MPPED1: variants seen among roughly 807,000 people sequenced by gnomAD.
The protein encoded by MPPED1 is metallophosphoesterase domain containing 1, also known as metallophosphoesterase domain-containing protein 1.
MPPED1 carries 16 observed loss-of-function variants against 36.2 expected under a neutral mutation model. The ratio of observed to expected loss-of-function variants is 0.44; its 90% confidence interval spans 0.30 to 0.67. The LOEUF is 0.67. Among genes scored for constraint, MPPED1 ranks in the 30% least tolerant of loss-of-function variants. The probability of loss-of-function intolerance (pLI) is 0.10; values close to 1 mark genes in which losing one functional copy is unlikely to be tolerated. For synonymous variants in MPPED1, 199 were observed against 191.3 expected (o/e 1.04, Z -0.33); for missense variants, 307 against 453.4 (o/e 0.68, Z 2.93).
intron 3 of MPPED1, among the ~76,000 whole-genome samples, chr22:43,437,664 G>A (rs1300168193): frequency 1.3e-5 from 2 of 152,146 alleles, no homozygotes; most frequent in African/African-American, 2.4e-5. Flanking sequence ...GGCCCCTCTG[G>A]GCCTCATTTT....
intron 1 of MPPED1, among the ~76,000 whole-genome samples, chr22:43,423,959 G>A (rs1325926494): frequency 2.0e-5 from 3 of 152,184 alleles, no homozygotes; most frequent in Non-Finnish European, 4.4e-5. Flanking sequence ...CTAACGAGGC[G>A]TCGGCCATTG....
At chr22:43,500,221 TGGTGGA>T (rs1932649749) in intron 5 of MPPED1, among the ~76,000 whole-genome samples, 1 of 91,512 alleles carries the variant, frequency 1.1e-5, no homozygotes, top group Non-Finnish European at 2.2e-5. Context: ...GTGGGGGTGA[TGGTGGA>T]GGTGGTGATG....
intron 3 of MPPED1, among the ~76,000 whole-genome samples, chr22:43,439,348 G>A (rs1569069999): frequency 6.6e-6 from 1 of 152,232 alleles, no homozygotes; most frequent in Non-Finnish European, 1.5e-5. Flanking sequence ...CTAAAAGATG[G>A]ATAAGGACAA....
In MPPED1 at chr22:43,502,993, G is replaced by T. The variant is rs1427259949; in HGVS notation, c.862+236G>T. Among the ~76,000 whole-genome samples the T allele has an allele frequency of 1.3e-5, 2 of 152,316 alleles. No individual in the cohort carries two copies. Among genetic ancestry groups the T allele is most frequent in the East Asian group, 3.9e-4 (2 of 5,180 alleles). Reference sequence around the variant, plus strand: ...CTTAGGGGGTAAATTTTGCTTCCGGGGAGCCCTGCAACTCTGCTGTGCCTC... The same window carrying T: ...CTTAGGGGGTAAATTTTGCTTCCGGTGAGCCCTGCAACTCTGCTGTGCCTC... On this transcript the variant is annotated intron_variant, in intron 6 of 6. Transcript: ENST00000443721. This position sits in a 1 kb window ranked among gnomAD's most constrained non-coding sequence, Gnocchi z 5.5.
chr22:43,474,486 C>T lies in MPPED1; in HGVS notation c.407-250C>T, dbSNP rs1407676840. On this transcript the variant is annotated intron_variant, in intron 3 of 6. Coordinates refer to ENST00000443721, the MANE Select transcript of MPPED1 (RefSeq NM_001044370.2). This position sits in a 1 kb window ranked among gnomAD's most constrained non-coding sequence, Gnocchi z 5.2. ...CAGCGATTCCAGCAGCTTCCTCCTG[C>T]CCGCCCCTCTCTCAGCCATGCTGTG... 1.3e-5 allele frequency among the ~76,000 whole-genome samples: 2 copies of T among 152,236 alleles called. No homozygotes were observed. Among genetic ancestry groups the T allele is most frequent in the African/African-American group, 4.8e-5 (2 of 41,456 alleles).
intron 6 of MPPED1, among the ~76,000 whole-genome samples, chr22:43,504,631 AT>A (rs910812112): frequency 1.3e-5 from 2 of 151,422 alleles, no homozygotes; most frequent in African/African-American, 4.9e-5. Context: ...GGCACTAGTG[AT>A]GGTGGTGGTG....
chr22:43,483,606 C>A (rs1931817558), intron 4 of MPPED1, among the ~76,000 whole-genome samples: 1 of 152,240 alleles, frequency 6.6e-6, no homozygotes, highest in African/African-American at 2.4e-5. Flanking sequence ...CCTTTTAAAT[C>A]TTTTATAAAA....
intron 2 of MPPED1, among the ~76,000 whole-genome samples, chr22:43,432,086 G>A (rs762439456): frequency 2.6e-5 from 4 of 152,130 alleles, no homozygotes; most frequent in Non-Finnish European, 2.9e-5. Flanking sequence ...GTAGACTGTC[G>A]GGTCCCTAGC....
chr22:43,475,029 T>C, intron 4 of MPPED1, 68 bp downstream of exon 4: 1 of 1,450,210 alleles, frequency 6.9e-7, no homozygotes. Context: ...GCAGGGGGTG[T>C]AGGGGATGGG....
At chr22:43,469,048 T>C (rs936362666) in intron 3 of MPPED1, among the ~76,000 whole-genome samples, 1 of 152,164 alleles carries the variant, frequency 6.6e-6, no homozygotes, top group Non-Finnish European at 1.5e-5. Context: ...CCATCTTTGG[T>C]CCAGGGGGTC....
chr22:43,485,165 A>G (rs1362161955), intron 4 of MPPED1, among the ~76,000 whole-genome samples: 1 of 152,110 alleles, frequency 6.6e-6, no homozygotes, highest in Non-Finnish European at 1.5e-5. Flanking sequence ...ACATTCACAT[A>G]TACACACATA....
chr22:43,492,630 G>T (rs1228397105), intron 4 of MPPED1, among the ~76,000 whole-genome samples: 1 of 152,126 alleles, frequency 6.6e-6, no homozygotes, highest in East Asian at 1.9e-4. Context: ...AGATCCCCAG[G>T]CACAACCCAG....
In MPPED1 at chr22:43,502,773, A is replaced by T; in HGVS notation, c.862+16A>T. ...ATCCACGAAGGTCAGTACGTAGCGG[A>T]GACAGGCACCTCACGGGCTAGGGGC... On this transcript the variant is annotated intron_variant, in intron 6 of 6. Transcript: ENST00000443721. This position sits in a 1 kb window ranked among gnomAD's most constrained non-coding sequence, Gnocchi z 5.5. 1 of 1,609,344 alleles carries T rather than the reference A, an allele frequency of 6.2e-7. No individual in the cohort carries two copies. The highest frequency in any genetic ancestry group is 8.5e-7 in the Non-Finnish European group (1 of 1,176,434).
intron 2 of MPPED1, among the ~76,000 whole-genome samples, chr22:43,433,589 C>G (rs1339185044): frequency 3.4e-5 from 2 of 58,498 alleles, no homozygotes; most frequent in African/African-American, 5.3e-5. Flanking sequence ...CTAGCAACCC[C>G]CAGGAAGGGG....
chr22:43,480,396 G>C (rs1446792877), intron 4 of MPPED1, among the ~76,000 whole-genome samples: 2 of 152,192 alleles, frequency 1.3e-5, no homozygotes, highest in Admixed American at 6.5e-5. Context: ...TGATTCTCAC[G>C]GGTGTGTGCT....
intron 4 of MPPED1, among the ~76,000 whole-genome samples, chr22:43,496,654 G>T (rs1932383912): frequency 4.8e-5 from 1 of 20,698 alleles, no homozygotes; most frequent in Non-Finnish European, 7.4e-5. Context: ...TGGAGGTGGT[G>T]GTGGTGGAGG....
At chr22:43,455,792 T>C (rs777654635) in intron 3 of MPPED1, among the ~76,000 whole-genome samples, 4 of 152,244 alleles carry the variant, frequency 2.6e-5, no homozygotes, top group Non-Finnish European at 2.9e-5. Context: ...TCCACCCCAA[T>C]TGCTTGAAAG....
intron 1 of MPPED1, among the ~76,000 whole-genome samples, chr22:43,423,905 T>A (rs1275511500): frequency 1.3e-5 from 2 of 152,150 alleles, no homozygotes; most frequent in Admixed American, 6.5e-5. Flanking sequence ...TTACACAGTT[T>A]AAAAAATAAT....
chr22:43,498,569 C>T (rs1602022993), intron 5 of MPPED1, among the ~76,000 whole-genome samples: 1 of 152,114 alleles, frequency 6.6e-6, no homozygotes, highest in Non-Finnish European at 1.5e-5. Context: ...CTCCTCACAA[C>T]AGCACAGGAG....
Sources: allele counts gnomAD v4.1 joint callset (sites outside exome capture counted in the v4.1 genomes callset), GRCh38; gene constraint gnomAD v4.1.1; non-coding constraint Gnocchi (gnomAD v3.1); transcripts MANE v1.5; gene names NCBI Gene and HGNC (gene_info 2026-07-23, HGNC 2026-07-21).